MAGI2: variants seen among roughly 807,000 people sequenced by gnomAD.
MAGI2 encodes membrane associated guanylate kinase, WW and PDZ domain containing 2.
A neutral mutation model predicts 133.3 loss-of-function variants in MAGI2; 35 were observed. The ratio of observed to expected loss-of-function variants is 0.26; its 90% confidence interval spans 0.20 to 0.35. The LOEUF (loss-of-function observed/expected upper bound fraction) is 0.35, where lower values mean the gene tolerates loss of function less well. MAGI2 is among the 10% of genes least tolerant of loss of function. MAGI2 has a pLI of 1.00. For missense variants in MAGI2, 1,636 were observed against 1,863.4 expected, an observed-to-expected ratio of 0.88 and a Z score of 2.25; for synonymous variants, 729 against 710.6, an observed-to-expected ratio of 1.03 and a Z score of -0.41.
chr7:78,363,425 G>A (rs926409124), intron 7 of MAGI2, among the ~76,000 whole-genome samples: 2 of 151,898 alleles, frequency 1.3e-5, no homozygotes, highest in Non-Finnish European at 2.9e-5. Flanking sequence ...CCCGGGAGGC[G>A]GAGCCTGTGG....
intron 9 of MAGI2, among the ~76,000 whole-genome samples, chr7:78,331,527 C>T (rs1789196710): frequency 6.6e-6 from 1 of 152,138 alleles, no homozygotes; most frequent in Non-Finnish European, 1.5e-5. Context: ...TGCTTAAATG[C>T]ATTTAGTTAT....
chr7:79,310,432 C>A (rs557008646), intron 1 of MAGI2, among the ~76,000 whole-genome samples: 2 of 152,178 alleles, frequency 1.3e-5, no homozygotes, highest in Admixed American at 1.3e-4. Context: ...AATTACTGAA[C>A]TCTCCTACCT....
intron 2 of MAGI2, among the ~76,000 whole-genome samples, chr7:78,843,956 T>C (rs1045921675): frequency 1.3e-5 from 2 of 148,414 alleles, no homozygotes; most frequent in South Asian, 4.2e-4. Context: ...TGGTCTAATA[T>C]TGACCACAGC....
chr7:79,243,552 AG>A (rs1319217190), intron 1 of MAGI2, among the ~76,000 whole-genome samples: 2 of 152,206 alleles, frequency 1.3e-5, no homozygotes, highest in African/African-American at 2.4e-5. Flanking sequence ...TATGATCTCC[AG>A]GGAAATGAGT....
intron 2 of MAGI2, among the ~76,000 whole-genome samples, chr7:78,682,586 T>G (rs1179604523): frequency 6.6e-6 from 1 of 152,184 alleles, no homozygotes; most frequent in East Asian, 1.9e-4. Context: ...TATTCCATGG[T>G]GTATATGTGC....
chr7:78,603,770 C>G (rs1241855446), intron 3 of MAGI2, among the ~76,000 whole-genome samples: 1 of 152,258 alleles, frequency 6.6e-6, no homozygotes, highest in East Asian at 1.9e-4. Context: ...ATTTATCCGC[C>G]TCAGCCTCCC....
chr7:78,591,197 A>C (rs909824527), intron 3 of MAGI2, among the ~76,000 whole-genome samples: 1 of 152,218 alleles, frequency 6.6e-6, no homozygotes, highest in Non-Finnish European at 1.5e-5. Flanking sequence ...GAGATTTTAC[A>C]TGATTATCAA....
At chr7:79,093,710 TTTTC>T (rs1383425364) in intron 1 of MAGI2, among the ~76,000 whole-genome samples, 3 of 108,884 alleles carry the variant, frequency 2.8e-5, no homozygotes, top group African/African-American at 9.2e-5. Flanking sequence ...TTTTCTTTTC[TTTTC>T]TTTTTTTTTT....
In MAGI2 at chr7:79,068,991, GT is replaced by G. The variant is rs989141153; in HGVS notation, c.302-61786del. ...ATTTCCATTCTTTTGCATTGGCTGA[GT>G]TTTTTTTTTTTTTACTTCCAATTAC... is the stretch of plus-strand genomic sequence containing the variant. On this transcript the variant is annotated intron_variant, in intron 1 of 21. Coordinates refer to ENST00000354212, the MANE Select transcript of MAGI2 (RefSeq NM_012301.4). Among the ~76,000 whole-genome samples, 345 of 143,052 alleles carry G rather than the reference GT, an allele frequency of 2.4e-3. 2 individuals carry two copies. Among genetic ancestry groups the G allele is most frequent in the African/African-American group, 4.9e-3 (193 of 39,286 alleles). The allele number at this position is 143,052 out of a possible 152,430, so 93.8% of individuals were successfully genotyped here. A position where few individuals can be genotyped will look rare whatever the true frequency, so the allele number is the denominator to read the frequency against.
chr7:78,432,614 A>G (rs1799906337), intron 6 of MAGI2, among the ~76,000 whole-genome samples: 1 of 152,120 alleles, frequency 6.6e-6, no homozygotes, highest in African/African-American at 2.4e-5. Flanking sequence ...TTAATAATCA[A>G]TCACCTCTGG....
At position 78,411,735 on chromosome 7, in the gene MAGI2, T is replaced by A. The variant is rs73701469; in HGVS notation, c.1046-42522A>T. 6.7e-3 allele frequency among the ~76,000 whole-genome samples: 1,018 copies of A among 152,164 alleles called. 8 individuals carry two copies. The highest frequency in any genetic ancestry group is 0.023 in the African/African-American group (959 of 41,540). On this transcript the variant is annotated intron_variant, in intron 6 of 21. Transcript: ENST00000354212. ...GAACATGGATAAGTTTAAGTATCTTTTGGCCCTTTAATAGCCTTGGGATGG... is the reference window on the plus strand; with the variant it reads ...GAACATGGATAAGTTTAAGTATCTTATGGCCCTTTAATAGCCTTGGGATGG...
At chr7:79,170,152 T>G (rs1420370300) in intron 1 of MAGI2, among the ~76,000 whole-genome samples, 1 of 134,290 alleles carries the variant, frequency 7.4e-6, no homozygotes, top group African/African-American at 2.8e-5. Context: ...TTTTTTTTTT[T>G]TTTTTTTTTT....
At chr7:79,260,653 T>A (rs990043833) in intron 1 of MAGI2, among the ~76,000 whole-genome samples, 1 of 152,150 alleles carries the variant, frequency 6.6e-6, no homozygotes, top group South Asian at 2.1e-4. Context: ...CCTGACCTCA[T>A]GTGATGGGTT....
intron 1 of MAGI2, among the ~76,000 whole-genome samples, chr7:79,090,960 C>T (rs554423334): frequency 6.6e-6 from 1 of 151,378 alleles, no homozygotes; most frequent in Non-Finnish European, 1.5e-5. Flanking sequence ...TGTCTTCTTA[C>T]TGCAGTTCCA....
chr7:78,605,520 A>G (rs763172633), intron 3 of MAGI2, among the ~76,000 whole-genome samples: 5 of 152,214 alleles, frequency 3.3e-5, no homozygotes, highest in Non-Finnish European at 7.3e-5. Flanking sequence ...TACTTATTAT[A>G]TGCTATTAAC....
chr7:78,527,006 C>CAAAAAA (rs55707442), intron 3 of MAGI2, among the ~76,000 whole-genome samples: 1,814 of 44,706 alleles, frequency 0.041, 1 homozygote, highest in East Asian at 0.057. Context: ...GACTCCATCT[C>CAAAAAA]AAAAAAAAAA....
rs541453199 is a variant in MAGI2, at chr7:79,307,683, A to C, written c.301+145337T>G. ...GGTTTAAGATAAATGCTGGAATCCT[A>C]GATTCTTAACCTAGATATAGCTTTT... On this transcript the variant is annotated intron_variant, in intron 1 of 21. Transcript: ENST00000354212. Among the ~76,000 whole-genome samples the C allele has an allele frequency of 3.3e-5, 5 of 152,374 alleles. No individual in the cohort carries two copies. The East Asian group carries it at 7.7e-4, about 23-fold the overall frequency.
chr7:78,932,746 A>G (rs534289032), intron 2 of MAGI2, among the ~76,000 whole-genome samples: 1 of 152,166 alleles, frequency 6.6e-6, no homozygotes. Context: ...GTCATAAAGC[A>G]TCTGCTGATC....
intron 1 of MAGI2, among the ~76,000 whole-genome samples, chr7:79,215,368 CT>C (rs1217447266): frequency 6.6e-6 from 1 of 151,968 alleles, no homozygotes; most frequent in African/African-American, 2.4e-5. Flanking sequence ...AGAGAATTCC[CT>C]TCACTTTCCA....
Sources: allele counts gnomAD v4.1 joint callset (sites outside exome capture counted in the v4.1 genomes callset), GRCh38; gene constraint gnomAD v4.1.1; transcripts MANE v1.5; gene names NCBI Gene and HGNC (gene_info 2026-07-23, HGNC 2026-07-21).